NEK1: variants seen among roughly 807,000 people sequenced by gnomAD.
NEK1 encodes the protein NIMA related kinase 1, also known as serine/threonine-protein kinase Nek1.
A neutral mutation model predicts 182.1 loss-of-function variants in NEK1; 137 were observed. The ratio of observed to expected loss-of-function variants is 0.75; its 90% confidence interval spans 0.65 to 0.87. The LOEUF is 0.87. NEK1 is among the 40% of genes least tolerant of loss of function. The pLI is 0.00. For missense variants in NEK1, 1,391 were observed against 1,494.4 expected, an observed-to-expected ratio of 0.93 and a Z score of 1.14; for synonymous variants, 513 against 492.2, an observed-to-expected ratio of 1.04 and a Z score of -0.56.
intron 23 of NEK1, among the ~76,000 whole-genome samples, chr4:169,485,337 G>A (rs1349591466): frequency 2.0e-5 from 3 of 152,176 alleles, no homozygotes; most frequent in Non-Finnish European, 2.9e-5. Context: ...TTTATGGGTG[G>A]TTCAGGATGA....
chr4:169,477,251 A>G lies in NEK1; in HGVS notation c.2307T>C (p.His769=). 2 of 1,600,410 alleles carry G rather than the reference A, an allele frequency of 1.2e-6. No homozygotes were observed. The highest frequency in any genetic ancestry group is 2.2e-5 in the South Asian group (2 of 88,946). The part of the protein sequence containing the change: ...NLSDTFEINV[H]EDAKEHEKEK... Reference sequence around the variant, plus strand: ...CTTTTTCATGCTCTTTGGCATCTTCATGAACATTTATCTCAAAAGTATCAG... The same window carrying G: ...CTTTTTCATGCTCTTTGGCATCTTCGTGAACATTTATCTCAAAAGTATCAG... The change falls in exon 26 of 36, where the codon CAT becomes CAC. Residue 769 remains histidine, a synonymous_variant. Coordinates refer to ENST00000507142, the MANE Select transcript of NEK1 (RefSeq NM_001199397.3).
At position 169,477,314 on chromosome 4, in the gene NEK1, AAGATTTT is replaced by A. The variant is rs1747143589; in HGVS notation, c.2237_2243del (p.Glu746ValfsTer19). 1 of 1,582,498 alleles carries A rather than the reference AAGATTTT, an allele frequency of 6.3e-7. No individual in the cohort carries two copies. Among genetic ancestry groups the A allele is most frequent in the Non-Finnish European group, 8.6e-7 (1 of 1,162,418 alleles). ...TTCCTTTTTCATCTTCTTGAGCTTTAAGATTTTCATTTAATCTACGAAGTATTTCTCG... is the reference window on the plus strand; with the variant it reads ...TTCCTTTTTCATCTTCTTGAGCTTTACATTTAATCTACGAAGTATTTCTCG... On this transcript the variant is annotated frameshift_variant, in exon 26 of 36. Transcript: ENST00000507142. LOFTEE classifies it high-confidence loss of function.
intron 16 of NEK1, among the ~76,000 whole-genome samples, chr4:169,557,787 C>T (rs971060439): frequency 1.2e-4 from 18 of 152,016 alleles, no homozygotes; most frequent in South Asian, 2.1e-4. Context: ...AAAAATTAGC[C>T]GGGCGCAGTG....
At chr4:169,462,335 T>A (rs896674318) in intron 27 of NEK1, among the ~76,000 whole-genome samples, 2 of 152,144 alleles carry the variant, frequency 1.3e-5, no homozygotes, top group African/African-American at 4.8e-5. Flanking sequence ...TTTCCTTATA[T>A]GAGAATGTGA....
At chr4:169,493,765 A>C (rs1029161722) in intron 23 of NEK1, among the ~76,000 whole-genome samples, 1 of 152,212 alleles carries the variant, frequency 6.6e-6, no homozygotes, top group Non-Finnish European at 1.5e-5. Context: ...AAAAGCAAAC[A>C]AGGCCTTCAA....
intron 19 of NEK1, among the ~76,000 whole-genome samples, chr4:169,532,573 G>A (rs1224879102): frequency 1.3e-5 from 2 of 152,258 alleles, no homozygotes; most frequent in East Asian, 3.9e-4. Context: ...GTGGAGGCAT[G>A]AGGTATATAG....
intron 12 of NEK1, among the ~76,000 whole-genome samples, chr4:169,570,033 A>G (rs1764441976): frequency 7.5e-6 from 1 of 132,740 alleles, no homozygotes. Context: ...CCGCCATCCC[A>G]TCTAGGAAGT....
chr4:169,424,450 G>T (rs537800421), intron 31 of NEK1, 103 bp downstream of exon 31: 202 of 1,293,342 alleles, frequency 1.6e-4, no homozygotes, highest in Non-Finnish European at 1.9e-4. Context: ...GTGTGTTTGT[G>T]TCTGTGTTAA....
At position 169,576,953 on chromosome 4, in the gene NEK1, T is replaced by G. The variant is rs1342772097; in HGVS notation, c.995A>C (p.Lys332Thr). The G allele has an allele frequency of 6.2e-7, 1 of 1,609,498 alleles. No homozygotes were observed. Among genetic ancestry groups the G allele is most frequent in the East Asian group, 2.2e-5 (1 of 44,770 alleles). ...CTGTTTATGTTTTTGCAGTGGTTTC[T>G]TTTCGTGTAATTTTTTATCTCCATA... ...KKYGDKKLHE[K>T]KPLQKHKQAH... The change falls in exon 12 of 36, where the codon AAG becomes ACG. Residue 332 changes from lysine (K) to threonine (T), a missense_variant. By Grantham distance (78) the Lys-to-Thr change is moderately conservative. Around this residue, in one of 5 missense-constraint regions of NEK1, gnomAD observed 1,216 missense variants for 1,277.6 expected, o/e 0.95. Transcript: ENST00000507142.
rs760700240 is a variant in NEK1, at chr4:169,577,012, G to A, written c.936C>T (p.Ala312=). ...VMPAQKITKP[A]AKYGIPLAYK... ...ATGCTAAAGGTATTCCATATTTAGCGGCAGGCTTTGTAATTTTCTGAGCAG... is the reference window on the plus strand; with the variant it reads ...ATGCTAAAGGTATTCCATATTTAGCAGCAGGCTTTGTAATTTTCTGAGCAG... Residue 312 remains alanine, a synonymous_variant, in exon 12 of 36, where the codon GCC becomes GCT. Transcript: ENST00000507142. 1.4e-5 allele frequency: 23 copies of A among 1,613,162 alleles called. No individual in the cohort carries two copies. The highest frequency in any genetic ancestry group is 1.6e-4 in the Middle Eastern group (1 of 6,076).
chr4:169,604,113 C>T (rs1770948216), intron 2 of NEK1, among the ~76,000 whole-genome samples: 1 of 152,070 alleles, frequency 6.6e-6, no homozygotes, highest in African/African-American at 2.4e-5. Context: ...TAATGAAGTC[C>T]TTATCTGTCA....
At chr4:169,562,488 T>C (rs546144659) in intron 12 of NEK1, among the ~76,000 whole-genome samples, 167 of 152,222 alleles carry the variant, frequency 1.1e-3, no homozygotes, top group African/African-American at 3.8e-3. Flanking sequence ...TAGACTATCA[T>C]TTGAAAAGCC....
intron 2 of NEK1, among the ~76,000 whole-genome samples, chr4:169,608,245 A>C (rs1771726073): frequency 6.6e-6 from 1 of 152,188 alleles, no homozygotes; most frequent in South Asian, 2.1e-4. Context: ...TAATTATGAA[A>C]TAGGCAAATC....
intron 5 of NEK1, among the ~76,000 whole-genome samples, chr4:169,592,867 T>C (rs1349397711): frequency 6.6e-6 from 1 of 152,126 alleles, no homozygotes; most frequent in Non-Finnish European, 1.5e-5. Flanking sequence ...CAAATACCTA[T>C]AATAATTGCA....
At chr4:169,562,416 C>T (rs913597632) in intron 12 of NEK1, among the ~76,000 whole-genome samples, 3 of 152,068 alleles carry the variant, frequency 2.0e-5, no homozygotes, top group African/African-American at 7.2e-5. Flanking sequence ...GGGTCCTTCC[C>T]CAATCATCAA....
intron 19 of NEK1, among the ~76,000 whole-genome samples, chr4:169,523,024 A>G (rs1412423918): frequency 6.6e-6 from 1 of 152,192 alleles, no homozygotes; most frequent in Non-Finnish European, 1.5e-5. Flanking sequence ...GGCATTTATA[A>G]TCCAATTATA....
intron 23 of NEK1, among the ~76,000 whole-genome samples, chr4:169,494,821 T>C (rs1388367482): frequency 6.6e-6 from 1 of 152,198 alleles, no homozygotes; most frequent in Non-Finnish European, 1.5e-5. Context: ...CTCATTGTGG[T>C]TTTGATTTGC....
intron 27 of NEK1, among the ~76,000 whole-genome samples, chr4:169,445,253 T>C (rs1342629901): frequency 2.6e-5 from 4 of 151,978 alleles, no homozygotes; most frequent in African/African-American, 9.7e-5. Context: ...ACCCTGTCAC[T>C]ACTGAAACAA....
chr4:169,472,381 A>G (rs1313700499), intron 26 of NEK1, among the ~76,000 whole-genome samples: 3 of 152,090 alleles, frequency 2.0e-5, no homozygotes, highest in African/African-American at 4.8e-5. Context: ...TGCCTTGGCT[A>G]GAGGAGGGAG....
Sources: gnomAD v4.1 joint callset for allele counts (sites outside exome capture counted in the v4.1 genomes callset) on GRCh38, gnomAD v4.1.1 for gene constraint, gnomAD v4.1.1 regional missense constraint, MANE v1.5 for transcripts, NCBI Gene and HGNC (gene_info 2026-07-23, HGNC 2026-07-21) for gene names.